XDH: variants seen among roughly 807,000 people sequenced by gnomAD.
XDH encodes xanthine dehydrogenase/oxidase.
XDH carries 138 observed loss-of-function variants against 156.1 expected under a neutral mutation model. The observed-to-expected ratio is 0.88, with a 90% CI of 0.77 to 1.02. The LOEUF is 1.02. Among genes scored for constraint, XDH ranks in the 50% least tolerant of loss-of-function variants. The pLI is 0.00. For synonymous variants in XDH, 669 were observed against 625.7 expected (o/e 1.07, Z -1.03); for missense variants, 1,849 against 1,684.9 (o/e 1.10, Z -1.71).
At position 31,341,334 on chromosome 2, in the gene XDH, C is replaced by A. The variant is rs868673474; in HGVS notation, c.3580G>T (p.Gly1194Ter). ...CTGGTCCCACTGAGCCTCACCTGTC[C>A]AATATCAATGGCAGGGTTTAGACTG... ...GSSLNPAIDI[G>*]QVEGAFVQGL... Residue 1194 changes from glycine (G) to a stop codon, truncating the protein, a stop_gained, in exon 33 of 36, where the codon GGA becomes TGA. Transcript: ENST00000379416. LOFTEE classifies it high-confidence loss of function. 6.4e-7 allele frequency: 1 copy of A among 1,572,264 alleles called. No homozygotes were observed. Among genetic ancestry groups the A allele is most frequent in the Non-Finnish European group, 8.6e-7 (1 of 1,156,094 alleles).
chr2:31,383,746 T>C lies in XDH; in HGVS notation c.886+9A>G, dbSNP rs1686505205. 1 of 1,612,904 alleles carries C rather than the reference T, an allele frequency of 6.2e-7. No individual in the cohort carries two copies. Among genetic ancestry groups the C allele is most frequent in the South Asian group, 1.1e-5 (1 of 90,636 alleles). ...CCCCTCCATAAGCTTGGAGTGAACC[T>C]CCTCTTACCGTCGGGTCCATGTTCT... On this transcript the variant is annotated intron_variant, in intron 10 of 35. Transcript: ENST00000379416.
intron 35 of XDH, among the ~76,000 whole-genome samples, chr2:31,336,547 G>T (rs1319366011): frequency 2.0e-5 from 3 of 151,944 alleles, no homozygotes; most frequent in Non-Finnish European, 1.5e-5. Flanking sequence ...ATAGTGGGAA[G>T]GTTCTGGGCT....
chr2:31,379,239 C>T (rs996753175), intron 13 of XDH, among the ~76,000 whole-genome samples: 1 of 152,146 alleles, frequency 6.6e-6, no homozygotes, highest in Non-Finnish European at 1.5e-5. Flanking sequence ...CAGACCTGCC[C>T]CAACAGGCCA....
chr2:31,388,341 T>A (rs756213732), intron 6 of XDH, 46 bp from the exon 7 acceptor site: 2 of 1,601,166 alleles, frequency 1.2e-6, no homozygotes, highest in East Asian at 4.5e-5. Flanking sequence ...ACAAAGAGTA[T>A]TTGCAGAAGC....
At chr2:31,361,275 G>A (rs1685770255) in intron 24 of XDH, among the ~76,000 whole-genome samples, 1 of 152,226 alleles carries the variant, frequency 6.6e-6, no homozygotes, top group Admixed American at 6.5e-5. Flanking sequence ...AGAATGAAAT[G>A]TTTCTCAAAA....
In XDH at chr2:31,375,417, G is replaced by T. The variant is rs139199704; in HGVS notation, c.1565C>A (p.Thr522Lys). 5.0e-6 allele frequency: 8 copies of T among 1,614,098 alleles called. No individual in the cohort carries two copies. The highest frequency in any genetic ancestry group is 4.0e-5 in the African/African-American group (3 of 74,928). ...CTCTTGGCCCAGCTTCTGAAGGACT[G>T]TCAGGTAGAACTTGAAGAAGAAGCT... ...TLSFFFKFYL[T>K]VLQKLGQENL... The change falls in exon 15 of 36, where the codon ACA becomes AAA. Residue 522 changes from threonine (T) to lysine (K), a missense_variant. By Grantham distance (78) the Thr-to-Lys change is moderately conservative (BLOSUM62 -1). Transcript: ENST00000379416.
intron 34 of XDH, among the ~76,000 whole-genome samples, chr2:31,338,088 T>C (rs1385552396): frequency 6.6e-6 from 1 of 152,232 alleles, no homozygotes; most frequent in Non-Finnish European, 1.5e-5. Flanking sequence ...CATGCACATA[T>C]AATGTACCAT....
intron 24 of XDH, 52 bp from the exon 25 acceptor site, chr2:31,350,275 T>C: frequency 6.2e-7 from 1 of 1,601,050 alleles, no homozygotes; most frequent in Non-Finnish European, 8.5e-7. Context: ...ATTGCATTGG[T>C]TCCTCAAAGT....
chr2:31,377,043 T>A lies in XDH; in HGVS notation c.1427+10A>T. On this transcript the variant is annotated intron_variant, in intron 14 of 35. Transcript: ENST00000379416. ...ATTAGCAGCAGTTTCATTGTGCTGT[T>A]AGCTCTTACTTGGAAAGCTGCCTCT... The A allele has an allele frequency of 6.2e-7, 1 of 1,614,154 alleles. No homozygotes were observed. The highest frequency in any genetic ancestry group is 1.3e-5 in the African/African-American group (1 of 75,042).
At chr2:31,346,256 G>A (rs973478347) in intron 30 of XDH, among the ~76,000 whole-genome samples, 1 of 152,110 alleles carries the variant, frequency 6.6e-6, no homozygotes, top group African/African-American at 2.4e-5. Context: ...CAGAGAATTG[G>A]GCTCATTCTT....
In XDH at chr2:31,347,617, T is replaced by C; in HGVS notation, c.3181A>G (p.Lys1061Glu). The C allele has an allele frequency of 1.2e-6, 2 of 1,614,072 alleles. No individual in the cohort carries two copies. Among genetic ancestry groups the C allele is most frequent in the South Asian group, 1.1e-5 (1 of 91,066 alleles). ...ASRALKIPTS[K>E]IYISETSTNT... Reference sequence around the variant, plus strand: ...GTGCTTGTCTCGCTGATATAAATCTTAGAGGTGGGGATTTTCAGAGCTCTA... The same window carrying C: ...GTGCTTGTCTCGCTGATATAAATCTCAGAGGTGGGGATTTTCAGAGCTCTA... Residue 1061 changes from lysine to glutamate, a missense_variant, in exon 29 of 36, where the codon AAG (lysine) becomes GAG (glutamate). Transcript: ENST00000379416.
intron 1 of XDH, among the ~76,000 whole-genome samples, chr2:31,409,705 G>A (rs1687290208): frequency 6.6e-6 from 1 of 152,204 alleles, no homozygotes; most frequent in Non-Finnish European, 1.5e-5. Context: ...CATTAGGATA[G>A]CTATGATCAA....
At chr2:31,351,313 A>G (rs1215011759) in intron 24 of XDH, among the ~76,000 whole-genome samples, 1 of 152,006 alleles carries the variant, frequency 6.6e-6, no homozygotes, top group African/African-American at 2.4e-5. Context: ...TTCATTTTGT[A>G]TGTACTTATT....
In XDH at chr2:31,349,721, A is replaced by T; in HGVS notation, c.2934T>A (p.Tyr978Ter). The T allele has an allele frequency of 6.2e-7, 1 of 1,614,178 alleles. No individual in the cohort carries two copies. The highest frequency in any genetic ancestry group is 8.5e-7 in the Non-Finnish European group (1 of 1,180,030). ...CWEECLASSQ[Y>*]HARKSEVDKF... ...TGTCAACCTCACTCTTCCGAGCATG[A>T]TACTGAGAGCTTGCTAGGCATTCTT... Residue 978 changes from tyrosine to a stop codon, truncating the protein, a stop_gained, in exon 26 of 36, where the codon TAT becomes TAA. Transcript: ENST00000379416. LOFTEE classifies it high-confidence loss of function.
At chr2:31,360,932 G>C (rs1685761536) in intron 24 of XDH, among the ~76,000 whole-genome samples, 1 of 152,210 alleles carries the variant, frequency 6.6e-6, no homozygotes, top group South Asian at 2.1e-4. Flanking sequence ...GCAGATAAGG[G>C]GAGACTACTG....
intron 33 of XDH, among the ~76,000 whole-genome samples, chr2:31,339,892 G>A (rs771567634): frequency 6.6e-6 from 1 of 152,184 alleles, no homozygotes; most frequent in Non-Finnish European, 1.5e-5. Context: ...ACATTAACAC[G>A]GAAGGTCAGT....
intron 27 of XDH, 85 bp downstream of exon 27, chr2:31,348,814 C>T (rs140725955): frequency 2.5e-5 from 33 of 1,316,328 alleles, no homozygotes; most frequent in African/African-American, 2.0e-4. Flanking sequence ...CCAGTGACAA[C>T]GAAATTTCCC....
At chr2:31,372,529 G>C (rs45443498) in intron 16 of XDH, 132 bp from the exon 17 acceptor site, 1 of 1,233,242 alleles carries the variant, frequency 8.1e-7, no homozygotes, top group Non-Finnish European at 1.2e-6. Context: ...ATTCAGAGGG[G>C]CGTGGGGCAA....
intron 24 of XDH, among the ~76,000 whole-genome samples, chr2:31,350,546 T>C (rs1039467767): frequency 6.6e-6 from 1 of 151,950 alleles, no homozygotes; most frequent in African/African-American, 2.4e-5. Flanking sequence ...CAGCTAATTT[T>C]TGTATTTTTA....
Sources: allele counts gnomAD v4.1 joint callset (sites outside exome capture counted in the v4.1 genomes callset), GRCh38; gene constraint gnomAD v4.1.1; transcripts MANE v1.5; gene names NCBI Gene and HGNC (gene_info 2026-07-23, HGNC 2026-07-21).